GART: variants seen among roughly 807,000 people sequenced by gnomAD.
GART encodes the protein trifunctional purine biosynthetic protein adenosine-3.
In GART, 43 loss-of-function variants were observed where a neutral mutation model predicts 107.2. The ratio of observed to expected loss-of-function variants is 0.40; its 90% CI spans 0.31 to 0.52. The LOEUF (loss-of-function observed/expected upper bound fraction) is 0.52. Among genes scored for constraint, GART ranks in the 20% least tolerant of loss-of-function variants. The probability of loss-of-function intolerance (pLI) is 0.52; values close to 1 mark genes in which losing one functional copy is unlikely to be tolerated. For missense variants in GART, 1,107 were observed against 1,206.5 expected (o/e 0.92, Z 1.22); for synonymous variants, 434 against 427.0 (o/e 1.02, Z -0.20).
chr21:33,532,743 T>A (rs1455706389), intron 4 of GART, among the ~76,000 whole-genome samples: 1 of 152,192 alleles, frequency 6.6e-6, no homozygotes, highest in Non-Finnish European at 1.5e-5. Context: ...AGAGTAGATA[T>A]GGCATAATCT....
chr21:33,534,384 T>C (rs546119981), intron 4 of GART, among the ~76,000 whole-genome samples, 195 bp downstream of exon 4: 1 of 152,116 alleles, frequency 6.6e-6, no homozygotes, highest in African/African-American at 2.4e-5. Context: ...GGCTTTTTTT[T>C]TTCTGTATTT....
chr21:33,535,741 A>C (rs1430701072), intron 2 of GART, among the ~76,000 whole-genome samples: 1 of 152,208 alleles, frequency 6.6e-6, no homozygotes, highest in African/African-American at 2.4e-5. Context: ...TTAAGATGTC[A>C]ACACGGCGGG....
At chr21:33,523,216 A>G (rs530158640) in intron 11 of GART, among the ~76,000 whole-genome samples, 1 of 152,338 alleles carries the variant, frequency 6.6e-6, no homozygotes, top group Non-Finnish European at 1.5e-5. Context: ...TTTTTATAGA[A>G]GTGTCTTTAA....
intron 20 of GART, 84 bp from the exon 21 acceptor site, chr21:33,504,611 G>A (rs1281291652): frequency 2.4e-5 from 23 of 942,734 alleles, no homozygotes; most frequent in African/African-American, 1.7e-4. Flanking sequence ...ATCTAGATCC[G>A]AAGTCAAACA....
Position 33,534,578 on chromosome 21 carries a change from C to T in GART, c.416+1G>A. ...TCCTTCACAGACAACCATTTACCTA[C>T]CTCAAAATGAAGCTGCAGGCTTCTT... On this transcript the variant is annotated splice_donor_variant, in intron 4 of 21. Coordinates refer to ENST00000381815, the MANE Select transcript of GART (RefSeq NM_000819.5). LOFTEE classifies it high-confidence loss of function. 2 of 1,614,060 alleles carry T rather than the reference C, an allele frequency of 1.2e-6. No individual in the cohort carries two copies. The highest frequency in any genetic ancestry group is 1.7e-6 in the Non-Finnish European group (2 of 1,179,984).
chr21:33,520,246 T>C (rs2084946027), intron 14 of GART, 118 bp downstream of exon 14: 1 of 793,324 alleles, frequency 1.3e-6, no homozygotes. Flanking sequence ...ATCACATATA[T>C]GCATCTTGTG....
rs202239166 is a variant in GART at position 33,541,873 on chromosome 21, A to AGT, written c.-42+190_-42+191dup. Among the ~76,000 whole-genome samples the AGT allele has an allele frequency of 2.7e-4, 41 of 152,350 alleles. No individual in the cohort carries two copies. In the East Asian group the frequency reaches 7.7e-3, roughly 29 times the overall value. ...CCTTGACATCTTAGAAAACAGGAAA[A>AGT]GTAAAAGAGCAAATAGAAACCAGCT... On this transcript the variant is annotated intron_variant, in intron 1 of 21. Transcript: ENST00000381815.
intron 12 of GART, 34 bp downstream of exon 12, chr21:33,522,154 A>G: frequency 1.4e-6 from 2 of 1,452,328 alleles, no homozygotes; most frequent in South Asian, 2.3e-5. Flanking sequence ...TGTATATCAA[A>G]GTTAATGAAT....
chr21:33,535,739 T>C (rs2085292401), intron 2 of GART, among the ~76,000 whole-genome samples: 1 of 152,144 alleles, frequency 6.6e-6, no homozygotes, highest in Admixed American at 6.6e-5. Context: ...TATTAAGATG[T>C]CAACACGGCG....
chr21:33,517,557 A>G lies in GART; in HGVS notation c.1754T>C (p.Leu585Pro). 6.2e-7 allele frequency: 1 copy of G among 1,614,204 alleles called. No homozygotes were observed. The highest frequency in any genetic ancestry group is 1.3e-5 in the African/African-American group (1 of 75,056). Residue 585 changes from leucine (L) to proline (P), a missense_variant, in exon 15 of 22, where the codon CTA (leucine) becomes CCA (proline). Leu to Pro is a moderately conservative substitution (Grantham distance 98). Coordinates refer to ENST00000381815, the MANE Select transcript of GART (RefSeq NM_000819.5). ...PDMYPPGEYDLAGFAVGAMER... is the reference protein window; with the variant it reads ...PDMYPPGEYDPAGFAVGAMER... ...CATGGCACCAACGGCAAACCCAGCT[A>G]GGTCATACTCTCCAGGGGGATACAT...
chr21:33,508,784 G>T (rs1257057956), intron 18 of GART, among the ~76,000 whole-genome samples: 1 of 152,090 alleles, frequency 6.6e-6, no homozygotes, highest in Non-Finnish European at 1.5e-5. Context: ...CAAAGTGCTA[G>T]GATTACAGGC....
chr21:33,541,704 T>G (rs558875890), intron 1 of GART, among the ~76,000 whole-genome samples: 4 of 151,960 alleles, frequency 2.6e-5, no homozygotes, highest in African/African-American at 9.7e-5. Context: ...GACAGGCAAA[T>G]AAAGCCGTAT....
chr21:33,530,718 C>A, intron 7 of GART, 41 bp downstream of exon 7: 1 of 1,361,230 alleles, frequency 7.3e-7, no homozygotes, highest in Non-Finnish European at 9.5e-7. Context: ...TCTGAGAAAA[C>A]CAAACTACTA....
chr21:33,528,645 A>T (rs1372330187), intron 8 of GART, 41 bp from the exon 9 acceptor site: 1 of 1,334,814 alleles, frequency 7.5e-7, no homozygotes, highest in African/African-American at 1.5e-5. Flanking sequence ...GAGAAAGAAA[A>T]TCTATGATGA....
Position 33,530,892 on chromosome 21 carries a change from G to C in GART, c.598-8C>G. 6.7e-7 allele frequency: 1 copy of C among 1,503,078 alleles called. No homozygotes were observed. Among genetic ancestry groups the C allele is most frequent in the South Asian group, 1.4e-5 (1 of 71,198 alleles). The allele number at this position is 1,503,078 out of a possible 1,614,324, so 93.1% of individuals were successfully genotyped here. ...ATCAGTGAAACACAGACACTATAAA[G>C]AAAACAAAATAGTCCATTTATGTTA... On this transcript the variant is annotated splice_region_variant and splice_polypyrimidine_tract_variant and intron_variant, in intron 6 of 21. Coordinates refer to ENST00000381815, the MANE Select transcript of GART (RefSeq NM_000819.5).
At chr21:33,541,327 A>G (rs1283607790) in intron 1 of GART, among the ~76,000 whole-genome samples, 1 of 152,138 alleles carries the variant, frequency 6.6e-6, no homozygotes, top group Non-Finnish European at 1.5e-5. Context: ...TTGTATTTTT[A>G]GTAGCGACGG....
Position 33,521,018 on chromosome 21 carries a change from G to T in GART, c.1394-3C>A. On this transcript the variant is annotated splice_polypyrimidine_tract_variant and splice_region_variant and intron_variant, in intron 12 of 21. Coordinates refer to ENST00000381815, the MANE Select transcript of GART (RefSeq NM_000819.5). ...ACCTCCAAGATCAACTTTACAGCCT[G>T]TTGGAGAGGAAATTAATTACTTGCT... The T allele has an allele frequency of 6.2e-7, 1 of 1,604,708 alleles. No homozygotes were observed. The highest frequency in any genetic ancestry group is 8.5e-7 in the Non-Finnish European group (1 of 1,173,556).
chr21:33,516,216 C>G (rs1043716800), intron 16 of GART, among the ~76,000 whole-genome samples: 1 of 145,152 alleles, frequency 6.9e-6, no homozygotes, highest in African/African-American at 2.6e-5. Context: ...CCACTATACT[C>G]CAGCCTGGGC....
chr21:33,529,044 T>C (rs2145738116), intron 7 of GART, 107 bp from the exon 8 acceptor site: 1 of 655,464 alleles, frequency 1.5e-6, no homozygotes, highest in Non-Finnish European at 2.7e-6. Context: ...ATTTTTTTAC[T>C]ACCTGAAACA....
Sources: allele counts gnomAD v4.1 joint callset (sites outside exome capture counted in the v4.1 genomes callset), GRCh38; gene constraint gnomAD v4.1.1; transcripts MANE v1.5; gene names NCBI Gene and HGNC (gene_info 2026-07-23, HGNC 2026-07-21).